The following LRBA variants were observed in gnomAD, a reference collection of about 807,000 sequenced individuals.
The protein encoded by LRBA is LPS responsive beige-like anchor protein, also known as lipopolysaccharide-responsive and beige-like anchor protein.
In LRBA, 176 loss-of-function variants were observed where a neutral mutation model predicts 330.0. That is an observed-to-expected ratio of 0.53 (90% CI 0.47 to 0.60). LRBA has a LOEUF of 0.60. Ranked by LOEUF, LRBA falls within the 20% of genes least tolerant of loss-of-function variation. LRBA has a pLI of 0.00. For synonymous variants in LRBA, 1,230 were observed against 1,193.0 expected (o/e 1.03, Z -0.64); for missense variants, 3,259 against 3,444.8 (o/e 0.95, Z 1.35).
At chr4:150,940,904 C>G (rs1579268915) in intron 2 of LRBA, among the ~76,000 whole-genome samples, 1 of 151,690 alleles carries the variant, frequency 6.6e-6, no homozygotes, top group East Asian at 1.9e-4. Flanking sequence ...CATGAAAGGG[C>G]CTCTATTTCA....
chr4:150,852,044 G>A lies in LRBA; in HGVS notation c.3666C>T (p.Thr1222=). 6.2e-7 allele frequency: 1 copy of A among 1,614,002 alleles called. No individual in the cohort carries two copies. Among genetic ancestry groups the A allele is most frequent in the Admixed American group, 1.7e-5 (1 of 60,010 alleles). The change falls in exon 23 of 57, where the codon ACC becomes ACT. Residue 1222 remains threonine (T), a synonymous_variant. Transcript: ENST00000651943. ...GKKATNLTRE[T]KLINDCHGSV... ...TACCATGACAATCATTAATTAATTT[G>A]GTTTCTCTAGTGAGGTTAGTTGCTT...
intron 2 of LRBA, among the ~76,000 whole-genome samples, chr4:150,941,160 T>A (rs1219926597): frequency 5.3e-5 from 8 of 151,822 alleles, no homozygotes; most frequent in South Asian, 2.1e-4. Flanking sequence ...GACTTAAAAA[T>A]ATATATATAT....
At chr4:150,851,029 T>C (rs1264933485) in intron 23 of LRBA, 127 bp from the exon 24 acceptor site, 5 of 588,782 alleles carry the variant, frequency 8.5e-6, no homozygotes, top group Non-Finnish European at 1.4e-5. Context: ...AAGAACCAAA[T>C]TAGAGAAAGA....
At chr4:150,693,876 CTTG>C (rs929206305) in intron 36 of LRBA, among the ~76,000 whole-genome samples, 7 of 152,032 alleles carry the variant, frequency 4.6e-5, no homozygotes, top group African/African-American at 1.4e-4. Context: ...CAATTAAGTT[CTTG>C]TTAAGTTTTG....
intron 46 of LRBA, among the ~76,000 whole-genome samples, chr4:150,420,477 AT>A: frequency 6.2e-5 from 4 of 64,724 alleles, no homozygotes; most frequent in African/African-American, 2.1e-4. Context: ...AATACACATT[AT>A]AATATATATA....
At chr4:150,865,505 A>G (rs2126977517) in intron 22 of LRBA, among the ~76,000 whole-genome samples, 1 of 152,290 alleles carries the variant, frequency 6.6e-6, no homozygotes, top group East Asian at 1.9e-4. Flanking sequence ...ATCAACCTCA[A>G]CAATACAGTG....
intron 2 of LRBA, among the ~76,000 whole-genome samples, chr4:150,936,901 C>T (rs916333575): frequency 1.3e-5 from 2 of 152,006 alleles, no homozygotes; most frequent in African/African-American, 4.8e-5. Context: ...ACATATCCTC[C>T]ATGCGATCTA....
intron 40 of LRBA, among the ~76,000 whole-genome samples, chr4:150,510,060 C>T (rs1014427653): frequency 6.6e-6 from 1 of 152,054 alleles, no homozygotes; most frequent in Admixed American, 6.6e-5. Flanking sequence ...TGCTTGAAAC[C>T]AGGAGGGAGG....
rs1761449091 is a variant in LRBA, at chr4:150,508,566, G to A, written c.6331-17531C>T. Among the ~76,000 whole-genome samples the A allele has an allele frequency of 2.0e-5, 3 of 152,144 alleles. 1 individual carries two copies. In the South Asian group the frequency reaches 6.2e-4, roughly 32 times the overall value. ...GGCCTCCCAAAGTGTGGGATTATAG[G>A]CAGGAGCCACCACGTCCAGCCCCAA... On this transcript the variant is annotated intron_variant, in intron 40 of 56. Transcript: ENST00000651943.
intron 48 of LRBA, among the ~76,000 whole-genome samples, chr4:150,338,647 G>T (rs1341689530): frequency 2.6e-5 from 4 of 152,128 alleles, no homozygotes; most frequent in Non-Finnish European, 5.9e-5. Flanking sequence ...CTCACAGACA[G>T]CCACATGATT....
At chr4:151,013,642 C>T (rs1469890889) in intron 2 of LRBA, 2 of 152,254 alleles carry the variant, frequency 1.3e-5, no homozygotes, top group Non-Finnish European at 2.9e-5. Flanking sequence ...AGGAGGATAG[C>T]TTGAACTTAG....
intron 46 of LRBA, among the ~76,000 whole-genome samples, chr4:150,417,778 T>C (rs970754078): frequency 1.3e-5 from 2 of 152,128 alleles, no homozygotes; most frequent in African/African-American, 2.4e-5. Context: ...AGTAAAAATA[T>C]ACCTAAAAAG....
chr4:150,690,721 CA>C (rs1260052098), intron 36 of LRBA, among the ~76,000 whole-genome samples: 2 of 149,946 alleles, frequency 1.3e-5, no homozygotes, highest in South Asian at 4.2e-4. Flanking sequence ...TAATATCATA[CA>C]AAAAATACTT....
intron 2 of LRBA, among the ~76,000 whole-genome samples, chr4:150,965,128 C>A (rs899406804): frequency 4.6e-5 from 7 of 152,064 alleles, no homozygotes; most frequent in Non-Finnish European, 7.4e-5. Context: ...AATTATATCT[C>A]TAAGAATCTA....
At chr4:150,518,408 G>A (rs1478110513) in intron 40 of LRBA, among the ~76,000 whole-genome samples, 3 of 152,098 alleles carry the variant, frequency 2.0e-5, no homozygotes, top group Admixed American at 1.3e-4. Flanking sequence ...TTCAGTCTAC[G>A]ATTCACCACT....
chr4:150,371,374 G>C (rs1388014884), intron 47 of LRBA, among the ~76,000 whole-genome samples: 1 of 151,594 alleles, frequency 6.6e-6, no homozygotes, highest in Admixed American at 6.6e-5. Flanking sequence ...TGTATTTTTA[G>C]TAAAGATGGG....
chr4:151,001,393 T>C (rs1366735492), intron 2 of LRBA, among the ~76,000 whole-genome samples: 4 of 152,138 alleles, frequency 2.6e-5, no homozygotes, highest in Non-Finnish European at 5.9e-5. Context: ...AGTAGGTGTC[T>C]GCACATATTG....
chr4:150,603,317 T>C (rs1447394628), intron 37 of LRBA, among the ~76,000 whole-genome samples: 1 of 152,190 alleles, frequency 6.6e-6, no homozygotes, highest in Non-Finnish European at 1.5e-5. Flanking sequence ...AACTTCAGAG[T>C]CTGAAGTTAA....
Position 150,471,129 on chromosome 4 carries a change from T to C in LRBA, c.6667+495A>G, listed in dbSNP as rs572611885. On this transcript the variant is annotated intron_variant, in intron 43 of 56. Transcript: ENST00000651943. ...AATATATACTTCATGCACACAAAAA[T>C]ATACAGTATATACATAGATATACAA... Among the ~76,000 whole-genome samples the C allele has an allele frequency of 2.6e-5, 4 of 152,324 alleles. No individual in the cohort carries two copies. In the East Asian group the frequency reaches 7.7e-4, roughly 29 times the overall value.
Sources: allele counts gnomAD v4.1 joint callset (sites outside exome capture counted in the v4.1 genomes callset), GRCh38; gene constraint gnomAD v4.1.1; transcripts MANE v1.5; gene names NCBI Gene and HGNC (gene_info 2026-07-23, HGNC 2026-07-21).